NAV3: variants seen among roughly 807,000 people sequenced by gnomAD.
NAV3 encodes neuron navigator 3.
NAV3 carries 87 observed loss-of-function variants against 244.7 expected under a neutral mutation model. The observed-to-expected ratio is 0.36, with a 90% CI of 0.30 to 0.42. The LOEUF is 0.42. Among genes scored for constraint, NAV3 ranks in the 20% least tolerant of loss-of-function variants. The pLI, the probability that NAV3 is intolerant of heterozygous loss-of-function variation, is 1.00. For synonymous variants in NAV3, 1,126 were observed against 1,042.2 expected (o/e 1.08, Z -1.55); for missense variants, 2,663 against 2,893.3 (o/e 0.92, Z 1.83).
intron 9 of NAV3, among the ~76,000 whole-genome samples, chr12:78,026,536 T>C (rs1878086628): frequency 6.6e-6 from 1 of 152,182 alleles, no homozygotes; most frequent in South Asian, 2.1e-4. Context: ...GTTTTCTATT[T>C]GTACTCAGAA....
At chr12:77,662,227 G>GTGTATCTA (rs1555191940) in intron 2 of NAV3, among the ~76,000 whole-genome samples, 2 of 145,942 alleles carry the variant, frequency 1.4e-5, no homozygotes, top group Non-Finnish European at 3.0e-5. Context: ...ATATCTATCT[G>GTGTATCTA]TCTATCTATC....
rs571958677 is a variant in NAV3 at position 77,792,221 on chromosome 12, G to A, written c.73-148098G>A. Among the ~76,000 whole-genome samples the A allele has an allele frequency of 1.2e-4, 19 of 152,124 alleles. 1 individual carries two copies. The South Asian group carries it at 3.9e-3, about 32-fold the overall frequency. Reference sequence around the variant, plus strand: ...TTTGGAATGCTGTATCCTCCTACATGTAGCAAGTATAAAGTTCAGTTCACA... The same window carrying A: ...TTTGGAATGCTGTATCCTCCTACATATAGCAAGTATAAAGTTCAGTTCACA... On this transcript the variant is annotated intron_variant, in intron 2 of 8. Coordinates refer to the NAV3 transcript ENST00000550042.
chr12:78,002,952 T>A (rs575111263), intron 7 of NAV3, among the ~76,000 whole-genome samples: 2 of 151,770 alleles, frequency 1.3e-5, no homozygotes, highest in African/African-American at 4.8e-5. Flanking sequence ...CCACAAAGTA[T>A]ATATGCCTGT....
intron 5 of NAV3, among the ~76,000 whole-genome samples, chr12:77,984,679 G>T (rs369606463): frequency 2.6e-5 from 4 of 152,174 alleles, no homozygotes; most frequent in African/African-American, 9.6e-5. Context: ...CAATGTATTC[G>T]ATGTTTACTA....
At chr12:78,007,817 G>A (rs537144355) in intron 8 of NAV3, among the ~76,000 whole-genome samples, 13 of 152,146 alleles carry the variant, frequency 8.5e-5, no homozygotes, top group South Asian at 2.1e-4. Context: ...CTTTTACATC[G>A]TTTACGGTTA....
chr12:77,819,566 T>C (rs947753718), intron 2 of NAV3, among the ~76,000 whole-genome samples: 1 of 152,016 alleles, frequency 6.6e-6, no homozygotes, highest in Admixed American at 6.6e-5. Context: ...CATTTTTTTC[T>C]ACTCTCACCG....
At chr12:78,106,398 T>C (rs1246814166) in intron 12 of NAV3, among the ~76,000 whole-genome samples, 2 of 152,160 alleles carry the variant, frequency 1.3e-5, no homozygotes, top group Non-Finnish European at 2.9e-5. Flanking sequence ...TTACAGACCA[T>C]TGCTGAAATA....
At chr12:77,880,506 A>G (rs1478806090) in intron 1 of NAV3, among the ~76,000 whole-genome samples, 2 of 152,104 alleles carry the variant, frequency 1.3e-5, no homozygotes, top group Non-Finnish European at 2.9e-5. Context: ...GAGATAATGA[A>G]AAGTGAGTGA....
chr12:78,109,335 C>T (rs1441556217), intron 12 of NAV3, among the ~76,000 whole-genome samples: 3 of 151,954 alleles, frequency 2.0e-5, no homozygotes, highest in African/African-American at 7.2e-5. Context: ...TCTTTTAAAG[C>T]TTTGGACCAA....
At chr12:77,677,266 G>C (rs543554425) in intron 2 of NAV3, among the ~76,000 whole-genome samples, 2 of 152,104 alleles carry the variant, frequency 1.3e-5, no homozygotes, top group Non-Finnish European at 2.9e-5. Context: ...AATATGAAAT[G>C]GTCTCAGTTT....
At chr12:78,027,309 G>A (rs1435729793) in intron 9 of NAV3, among the ~76,000 whole-genome samples, 1 of 152,010 alleles carries the variant, frequency 6.6e-6, no homozygotes, top group Non-Finnish European at 1.5e-5. Flanking sequence ...GCATGGTGCT[G>A]TGTAGCACAT....
intron 22 of NAV3, among the ~76,000 whole-genome samples, chr12:78,149,232 T>C (rs371070137): frequency 6.6e-6 from 1 of 152,134 alleles, no homozygotes; most frequent in African/African-American, 2.4e-5. Flanking sequence ...TCTCTGACAA[T>C]GTAAGAGGGG....
chr12:78,095,780 A>AGG (rs1366525991), intron 12 of NAV3, among the ~76,000 whole-genome samples: 7 of 152,168 alleles, frequency 4.6e-5, no homozygotes, highest in South Asian at 2.1e-4. Flanking sequence ...TGTCTTGGGT[A>AGG]GGTGTTTCCA....
At chr12:78,125,950 T>C (rs1306412037) in intron 16 of NAV3, among the ~76,000 whole-genome samples, 1 of 152,206 alleles carries the variant, frequency 6.6e-6, no homozygotes, top group Non-Finnish European at 1.5e-5. Context: ...TGGAAATAAA[T>C]AATCCTTAAA....
intron 2 of NAV3, among the ~76,000 whole-genome samples, chr12:77,651,772 G>T (rs904713670): frequency 6.6e-6 from 1 of 152,132 alleles, no homozygotes; most frequent in Non-Finnish European, 1.5e-5. Flanking sequence ...TCATTAAATT[G>T]GTAACTCATG....
At chr12:77,918,857 G>T (rs1887428069) in intron 1 of NAV3, among the ~76,000 whole-genome samples, 1 of 151,954 alleles carries the variant, frequency 6.6e-6, no homozygotes, top group Admixed American at 6.6e-5. Flanking sequence ...AGGTTACATT[G>T]GGCAAAGCCA....
intron 2 of NAV3, among the ~76,000 whole-genome samples, chr12:77,734,304 T>C (rs886217518): frequency 6.6e-6 from 1 of 152,070 alleles, no homozygotes; most frequent in Non-Finnish European, 1.5e-5. Context: ...CATGGTCTTT[T>C]TCATTTGCAC....
intron 34 of NAV3, among the ~76,000 whole-genome samples, chr12:78,190,581 A>G (rs1302091904): frequency 6.6e-6 from 1 of 152,088 alleles, no homozygotes; most frequent in African/African-American, 2.4e-5. Context: ...TCAGAGCTTT[A>G]TAAAGGGGTA....
intron 1 of NAV3, among the ~76,000 whole-genome samples, chr12:77,872,537 G>T (rs568395915): frequency 1.3e-5 from 2 of 152,146 alleles, no homozygotes; most frequent in Non-Finnish European, 2.9e-5. Context: ...TATGCTTGGG[G>T]AAGTTCTGGT....
Sources: gnomAD v4.1 joint callset for allele counts (sites outside exome capture counted in the v4.1 genomes callset) on GRCh38, gnomAD v4.1.1 for gene constraint, MANE v1.5 for transcripts, NCBI Gene and HGNC (gene_info 2026-07-23, HGNC 2026-07-21) for gene names.